HUWE1: variants seen among roughly 807,000 people sequenced by gnomAD.
The protein encoded by HUWE1 is E3 ubiquitin-protein ligase HUWE1.
HUWE1 carries 18 observed loss-of-function variants against 299.4 expected under a neutral mutation model. That is an observed-to-expected ratio of 0.06 (90% CI 0.04 to 0.09). The LOEUF (loss-of-function observed/expected upper bound fraction) is 0.09. Among genes scored for constraint, HUWE1 ranks in the 10% least tolerant of loss-of-function variants. The pLI, the probability that HUWE1 is intolerant of heterozygous loss-of-function variation, is 1.00. For missense variants in HUWE1, 1,832 were observed against 3,462.3 expected (o/e 0.53, Z 11.82); for synonymous variants, 1,317 against 1,286.1 (o/e 1.02, Z -0.51).
At chrX:53,625,377 C>T (rs184484449) in intron 17 of HUWE1, 119 bp from the exon 18 acceptor site, 16 of 506,146 alleles carry the variant, frequency 3.2e-5, no homozygotes, top group East Asian at 2.1e-4. Flanking sequence ...AGAAGACATT[C>T]GAAGTGAGGT....
At chrX:53,630,159 A>G (rs1392400139) in intron 12 of HUWE1, among the ~76,000 whole-genome samples, 1 of 112,137 alleles carries the variant, frequency 8.9e-6, no homozygotes, top group African/African-American at 3.2e-5. Context: ...ATATTCATTT[A>G]GTTTTCAACA....
At chrX:53,622,579 T>C (rs2066218127) in intron 19 of HUWE1, among the ~76,000 whole-genome samples, 1 of 110,956 alleles carries the variant, frequency 9.0e-6, no homozygotes, top group African/African-American at 3.3e-5. Flanking sequence ...TTGTAACTCC[T>C]GACAGACCAC....
intron 46 of HUWE1, 83 bp from the exon 47 acceptor site, chrX:53,574,047 TCTC>T: frequency 1.2e-6 from 1 of 835,989 alleles, no homozygotes; most frequent in Non-Finnish European, 1.8e-6. Flanking sequence ...GAATGCTATT[TCTC>T]CTCCACTTTA....
chrX:53,684,368 G>C (rs782508048), intron 2 of HUWE1, among the ~76,000 whole-genome samples: 1 of 111,869 alleles, frequency 8.9e-6, no homozygotes, highest in East Asian at 2.8e-4. Context: ...GGAGTTTTTC[G>C]GGGGAAGGGA....
At chrX:53,550,552 G>A in intron 66 of HUWE1, 114 bp downstream of exon 66, 1 of 663,320 alleles carries the variant, frequency 1.5e-6, no homozygotes. Context: ...AAATGGCTTA[G>A]AGAGACCATC....
At chrX:53,628,383 G>A (rs919881390) in intron 15 of HUWE1, 110 bp downstream of exon 15, 1 of 837,421 alleles carries the variant, frequency 1.2e-6, no homozygotes, top group Non-Finnish European at 1.7e-6. Context: ...TTCTGGATAA[G>A]CTTTCTTATA....
chrX:53,602,015 T>C (rs2064879484), intron 28 of HUWE1, among the ~76,000 whole-genome samples: 1 of 111,748 alleles, frequency 8.9e-6, no homozygotes, highest in African/African-American at 3.3e-5. Context: ...CAATCTTCTT[T>C]ATAAAACAGC....
Position 53,654,015 on chromosome X carries a change from A to G in HUWE1, c.45+48T>C. ...ATGAACTGTTCACAAATATTTTTTTATTTTTTAATGAAGAAAAAATAAGCA... is the reference window on the plus strand; with the variant it reads ...ATGAACTGTTCACAAATATTTTTTTGTTTTTTAATGAAGAAAAAATAAGCA... On this transcript the variant is annotated intron_variant, in intron 4 of 83. Transcript: ENST00000262854. 3 of 953,922 alleles carry G rather than the reference A, an allele frequency of 3.1e-6. 1 individual carries two copies. The highest frequency in any genetic ancestry group is 4.5e-6 in the Non-Finnish European group (3 of 671,339). The allele number at this position is 953,922 out of a possible 1,213,427, so 78.6% of individuals were successfully genotyped here. A position where few individuals can be genotyped will look rare whatever the true frequency, so the allele number is the denominator to read the frequency against.
chrX:53,631,123 A>C (rs2066849001), intron 11 of HUWE1, 89 bp from the exon 12 acceptor site: 1 of 606,878 alleles, frequency 1.6e-6, no homozygotes, highest in East Asian at 3.3e-5. Flanking sequence ...CAACACAACT[A>C]AACGTTTTCT....
intron 3 of HUWE1, among the ~76,000 whole-genome samples, chrX:53,677,706 A>G (rs1161003187): frequency 9.0e-6 from 1 of 111,257 alleles, no homozygotes; most frequent in African/African-American, 3.3e-5. Flanking sequence ...TAATCTTCCA[A>G]AATCATTCCA....
At chrX:53,634,583 C>A (rs1557025207) in intron 7 of HUWE1, among the ~76,000 whole-genome samples, 1 of 112,257 alleles carries the variant, frequency 8.9e-6, no homozygotes, top group Admixed American at 9.4e-5. Context: ...TTTCACTGTT[C>A]AGTGAGGATG....
At chrX:53,639,042 T>C (rs1557028519) in intron 7 of HUWE1, among the ~76,000 whole-genome samples, 1 of 112,321 alleles carries the variant, frequency 8.9e-6, no homozygotes, top group East Asian at 2.8e-4. Flanking sequence ...ACTGAACCAT[T>C]TTTGAAAACA....
chrX:53,661,361 A>G (rs1246623704), intron 3 of HUWE1, among the ~76,000 whole-genome samples: 1 of 111,919 alleles, frequency 8.9e-6, no homozygotes, highest in Non-Finnish European at 1.9e-5. Flanking sequence ...CAGTTTTATT[A>G]CTACAAAATA....
At chrX:53,641,210 ATGTAT>A (rs782029218) in intron 7 of HUWE1, among the ~76,000 whole-genome samples, 15 of 111,829 alleles carry the variant, frequency 1.3e-4, no homozygotes, top group Non-Finnish European at 2.8e-4. Flanking sequence ...CATTTTGCAG[ATGTAT>A]TGTCTATTCC....
In HUWE1 at chrX:53,573,893, G is replaced by C. The variant is rs2062958156; in HGVS notation, c.6169C>G (p.Gln2057Glu). The change falls in exon 47 of 84, where the codon CAG becomes GAG. Residue 2057 changes from glutamine (Q) to glutamate (E), a missense_variant. Physicochemically the swap from Gln to Glu is conservative, Grantham distance 29. This residue lies in a region of HUWE1 where 157 missense variants were observed against 252.3 expected (regional missense o/e 0.62). Coordinates refer to ENST00000262854, the MANE Select transcript of HUWE1 (RefSeq NM_031407.7). ...AAAGGTTTGCTGCCCTTGCCTTTCTGTTTGCCTTCCTCAGAGGCCCGGTCC... is the reference window on the plus strand; with the variant it reads ...AAAGGTTTGCTGCCCTTGCCTTTCTCTTTGCCTTCCTCAGAGGCCCGGTCC... Reference protein sequence around the residue: ...EGDRASEEGKQKGKGSKPLMP... With the variant: ...EGDRASEEGKEKGKGSKPLMP... 1.7e-6 allele frequency: 2 copies of C among 1,211,491 alleles called. No individual in the cohort carries two copies. The highest frequency in any genetic ancestry group is 2.2e-6 in the Non-Finnish European group (2 of 895,269).
At chrX:53,634,150 C>T (rs1325998794) in intron 8 of HUWE1, 86 bp downstream of exon 8, 13 of 751,362 alleles carry the variant, frequency 1.7e-5, no homozygotes, top group Non-Finnish European at 2.5e-5. Flanking sequence ...GGCGTCACTT[C>T]ATATACCACA....
intron 49 of HUWE1, among the ~76,000 whole-genome samples, chrX:53,567,551 C>T (rs1290627780): frequency 8.9e-6 from 1 of 112,007 alleles, no homozygotes; most frequent in Non-Finnish European, 1.9e-5. Context: ...AGTTTTTATA[C>T]TGCCTTTATA....
At chrX:53,547,577 T>C in intron 68 of HUWE1, 96 bp downstream of exon 68, 5 of 1,142,969 alleles carry the variant, frequency 4.4e-6, no homozygotes, top group East Asian at 3.2e-5. Context: ...ACCAAGCTGA[T>C]TGCTATCACT....
At chrX:53,552,173 C>G in intron 63 of HUWE1, 138 bp downstream of exon 63, 1 of 670,752 alleles carries the variant, frequency 1.5e-6, no homozygotes, top group Non-Finnish European at 2.3e-6. Context: ...GCCATACCAG[C>G]ACCCCCGCTT....
Sources: allele counts gnomAD v4.1 joint callset (sites outside exome capture counted in the v4.1 genomes callset), GRCh38; gene constraint gnomAD v4.1.1; regional missense constraint gnomAD v4.1.1; transcripts MANE v1.5; gene names NCBI Gene and HGNC (gene_info 2026-07-23, HGNC 2026-07-21).